The following CUL5 variants were observed in gnomAD, a reference collection of about 807,000 sequenced individuals.
CUL5 encodes the protein cullin-5.
Under a neutral mutation model 108.8 loss-of-function variants are expected in CUL5, and 26 were observed. That is an observed-to-expected ratio of 0.24 (90% CI 0.18 to 0.33). The LOEUF (loss-of-function observed/expected upper bound fraction) is 0.33. Ranked by LOEUF, CUL5 falls within the 10% of genes least tolerant of loss-of-function variation. The pLI is 1.00. For synonymous variants in CUL5, 334 were observed against 298.0 expected, an observed-to-expected ratio of 1.12 and a Z score of -1.25; for missense variants, 524 against 909.2, an observed-to-expected ratio of 0.58 and a Z score of 5.45.
At chr11:108,098,255 T>C in intron 17 of CUL5, 151 bp from the exon 18 acceptor site, 2 of 618,262 alleles carry the variant, frequency 3.2e-6, no homozygotes, top group Non-Finnish European at 5.1e-6. Flanking sequence ...GAGTTTGTTT[T>C]AAAGCAATAT....
At chr11:108,030,645 A>G (rs1268464225) in intron 1 of CUL5, among the ~76,000 whole-genome samples, 2 of 152,192 alleles carry the variant, frequency 1.3e-5, no homozygotes, top group Admixed American at 6.5e-5. Context: ...CTCAAAAACA[A>G]AAAGAAAAAA....
At position 108,054,715 on chromosome 11, in the gene CUL5, G is replaced by C. The variant is rs1413212067; in HGVS notation, c.622G>C (p.Asp208His). 4 of 1,610,058 alleles carry C rather than the reference G, an allele frequency of 2.5e-6. No individual in the cohort carries two copies. Among genetic ancestry groups the C allele is most frequent in the Non-Finnish European group, 3.4e-6 (4 of 1,176,824 alleles). ...GGACAATTTTGAGAAGGCATACTTG[G>C]ATTCAACAGAGAGATTTTATAGAAC... ...YRDNFEKAYL[D>H]STERFYRTQA... The change falls in exon 6 of 19, where the codon GAT (aspartate) becomes CAT (histidine). Residue 208 changes from aspartate to histidine, a missense_variant. By Grantham distance (81) the Asp-to-His change is moderately conservative (BLOSUM62 -1). Coordinates refer to ENST00000393094, the MANE Select transcript of CUL5 (RefSeq NM_003478.6).
intron 16 of CUL5, among the ~76,000 whole-genome samples, 174 bp from the exon 17 acceptor site, chr11:108,097,462 T>C (rs1307594181): frequency 6.6e-6 from 1 of 152,208 alleles, no homozygotes; most frequent in Non-Finnish European, 1.5e-5. Context: ...ACCAACTCTT[T>C]TCACCTCTTC....
chr11:108,089,078 A>G (rs927652574), intron 12 of CUL5, among the ~76,000 whole-genome samples: 1 of 152,146 alleles, frequency 6.6e-6, no homozygotes, highest in African/African-American at 2.4e-5. Context: ...TAGTGTAATG[A>G]TGTAAGCCCA....
At chr11:108,016,738 A>G (rs1262894766) in intron 1 of CUL5, among the ~76,000 whole-genome samples, 1 of 152,134 alleles carries the variant, frequency 6.6e-6, no homozygotes, top group Non-Finnish European at 1.5e-5. Context: ...AGGTGAGAGT[A>G]TTGCTTGAGG....
chr11:108,081,840 G>A (rs895089902), intron 11 of CUL5, among the ~76,000 whole-genome samples: 6 of 152,172 alleles, frequency 3.9e-5, no homozygotes, highest in Non-Finnish European at 7.4e-5. Context: ...CCTTATGCTG[G>A]TGCCACATCG....
intron 4 of CUL5, among the ~76,000 whole-genome samples, chr11:108,050,692 A>G (rs557431975): frequency 6.6e-6 from 1 of 152,292 alleles, no homozygotes; most frequent in African/African-American, 2.4e-5. Context: ...AAATTAAATT[A>G]CTTTTCTCCC....
At chr11:108,084,744 A>G (rs753183115) in intron 11 of CUL5, among the ~76,000 whole-genome samples, 1 of 152,260 alleles carries the variant, frequency 6.6e-6, no homozygotes, top group African/African-American at 2.4e-5. Flanking sequence ...ATTAATTAAG[A>G]TTAATAGCTT....
intron 1 of CUL5, among the ~76,000 whole-genome samples, chr11:108,024,591 C>T (rs547653861): frequency 1.7e-4 from 26 of 152,220 alleles, no homozygotes; most frequent in South Asian, 8.3e-4. Flanking sequence ...TACACATCTA[C>T]GCTGAAGATT....
At chr11:108,014,137 A>G (rs926763305) in intron 1 of CUL5, among the ~76,000 whole-genome samples, 1 of 152,180 alleles carries the variant, frequency 6.6e-6, no homozygotes, top group African/African-American at 2.4e-5. Flanking sequence ...TTCTGGTGGG[A>G]TGATCAGTGA....
chr11:108,088,061 G>T (rs2135222839), intron 11 of CUL5, among the ~76,000 whole-genome samples: 1 of 151,514 alleles, frequency 6.6e-6, no homozygotes, highest in African/African-American at 2.4e-5. Flanking sequence ...TTTTTTTAAT[G>T]CATGATGGTA....
At chr11:108,053,082 G>A (rs931015185) in intron 5 of CUL5, among the ~76,000 whole-genome samples, 3 of 152,112 alleles carry the variant, frequency 2.0e-5, no homozygotes, top group Non-Finnish European at 4.4e-5. Context: ...GCTCATAAAA[G>A]GTAACTAGTT....
rs753497734 is a variant in CUL5, at chr11:108,095,510, A to G, written c.1744-20A>G. 2.0e-6 allele frequency: 3 copies of G among 1,463,524 alleles called. No individual in the cohort carries two copies. The highest frequency in any genetic ancestry group is 1.2e-5 in the South Asian group (1 of 80,680). 90.7% of individuals were successfully genotyped at this position (1,463,524 alleles called of 1,614,324 possible). On this transcript the variant is annotated intron_variant, in intron 15 of 18. Coordinates refer to ENST00000393094, the MANE Select transcript of CUL5 (RefSeq NM_003478.6). Reference sequence around the variant, plus strand: ...ATCATCATGAGATTCTTTATTAAAAATCTGTTTTATCTATTATAGATAACA... The same window carrying G: ...ATCATCATGAGATTCTTTATTAAAAGTCTGTTTTATCTATTATAGATAACA...
intron 8 of CUL5, among the ~76,000 whole-genome samples, chr11:108,070,708 C>T (rs1286426830): frequency 1.3e-5 from 2 of 151,884 alleles, no homozygotes; most frequent in East Asian, 1.9e-4. Context: ...AAAAATTGTA[C>T]ATATACCTAC....
intron 11 of CUL5, among the ~76,000 whole-genome samples, chr11:108,083,932 G>A (rs1473288821): frequency 4.6e-5 from 7 of 152,168 alleles, no homozygotes; most frequent in Non-Finnish European, 8.8e-5. Context: ...GGCTTTGAAC[G>A]TGGCCCAACA....
chr11:108,054,558 A>T, intron 5 of CUL5, 89 bp from the exon 6 acceptor site: 1 of 879,208 alleles, frequency 1.1e-6, no homozygotes, highest in Non-Finnish European at 1.7e-6. Flanking sequence ...CCTTGCACAT[A>T]ATGACTCCTC....
intron 1 of CUL5, among the ~76,000 whole-genome samples, chr11:108,027,635 C>T (rs1862483848): frequency 6.6e-6 from 1 of 152,104 alleles, no homozygotes; most frequent in Admixed American, 6.6e-5. Context: ...TCTCGAACTC[C>T]TGGGCTCAAG....
chr11:108,074,033 A>G (rs1337326010), intron 10 of CUL5: 1 of 152,132 alleles, frequency 6.6e-6, no homozygotes, highest in Admixed American at 6.6e-5. Flanking sequence ...TTAGCATTGT[A>G]TCTTTTTTAG....
chr11:108,029,105 C>G (rs1192410521), intron 1 of CUL5, among the ~76,000 whole-genome samples: 1 of 152,192 alleles, frequency 6.6e-6, no homozygotes, highest in Admixed American at 6.5e-5. Context: ...TCCAGGTATT[C>G]CCCCATTGTC....
Sources: allele counts gnomAD v4.1 joint callset (sites outside exome capture counted in the v4.1 genomes callset), GRCh38; gene constraint gnomAD v4.1.1; transcripts MANE v1.5; gene names NCBI Gene and HGNC (gene_info 2026-07-23, HGNC 2026-07-21).